Variants in KIAA1328 observed in about 807,000 individuals in gnomAD.
KIAA1328 encodes KIAA1328, also known as protein hinderin.
KIAA1328 carries 52 observed loss-of-function variants against 68.1 expected under a neutral mutation model. The ratio of observed to expected loss-of-function variants is 0.76; its 90% confidence interval spans 0.61 to 0.96. KIAA1328 has a LOEUF of 0.96. Ranked by LOEUF, KIAA1328 falls within the 40% of genes least tolerant of loss-of-function variation. The pLI, the probability that KIAA1328 is intolerant of heterozygous loss-of-function variation, is 0.00. For synonymous variants in KIAA1328, 232 were observed against 239.4 expected, an observed-to-expected ratio of 0.97 and a Z score of 0.28; for missense variants, 641 against 677.6, an observed-to-expected ratio of 0.95 and a Z score of 0.60.
intron 9 of KIAA1328, among the ~76,000 whole-genome samples, chr18:37,184,884 C>G (rs1160581084): frequency 6.6e-6 from 1 of 152,076 alleles, no homozygotes; most frequent in Non-Finnish European, 1.5e-5. Flanking sequence ...TTTGGGTTGG[C>G]CAGGCGTGGT....
At chr18:36,848,968 T>C (rs879566912) in intron 4 of KIAA1328, among the ~76,000 whole-genome samples, 1 of 151,868 alleles carries the variant, frequency 6.6e-6, no homozygotes, top group Non-Finnish European at 1.5e-5. Context: ...TTACCTGTTA[T>C]TTTGTTAAAT....
intron 7 of KIAA1328, among the ~76,000 whole-genome samples, chr18:37,103,177 A>G (rs999233241): frequency 6.6e-6 from 1 of 152,242 alleles, no homozygotes; most frequent in Admixed American, 6.5e-5. Flanking sequence ...CTTAAAATTC[A>G]TATGAAATCA....
chr18:37,140,089 A>C (rs192476455), intron 7 of KIAA1328, among the ~76,000 whole-genome samples: 1,879 of 152,314 alleles, frequency 0.012, 26 homozygotes, highest in Middle Eastern at 0.034. Flanking sequence ...AGAACAAATT[A>C]AAGGTATTTA....
chr18:36,872,362 G>C (rs1201958366), intron 4 of KIAA1328, among the ~76,000 whole-genome samples: 2 of 152,090 alleles, frequency 1.3e-5, no homozygotes, highest in Non-Finnish European at 2.9e-5. Context: ...AGACTAACAA[G>C]TATCTAGTAA....
At chr18:37,005,021 TCTTA>T (rs1486521798) in intron 6 of KIAA1328, among the ~76,000 whole-genome samples, 1 of 152,066 alleles carries the variant, frequency 6.6e-6, no homozygotes, top group Non-Finnish European at 1.5e-5. Context: ...TATTGTATGT[TCTTA>T]CTTATAAATG....
At chr18:36,915,281 T>C (rs2049643541) in intron 5 of KIAA1328, among the ~76,000 whole-genome samples, 1 of 152,124 alleles carries the variant, frequency 6.6e-6, no homozygotes, top group African/African-American at 2.4e-5. Context: ...ACCTGGCTTA[T>C]GGAATATTTT....
At chr18:37,000,376 TAAAG>T (rs1274217188) in intron 6 of KIAA1328, among the ~76,000 whole-genome samples, 1 of 152,102 alleles carries the variant, frequency 6.6e-6, no homozygotes, top group Non-Finnish European at 1.5e-5. Flanking sequence ...TTACTACTTC[TAAAG>T]AAAGAGATAA....
intron 9 of KIAA1328, among the ~76,000 whole-genome samples, chr18:37,181,022 T>G (rs912567828): frequency 6.6e-6 from 1 of 152,118 alleles, no homozygotes; most frequent in Non-Finnish European, 1.5e-5. Context: ...CTTCAAAATA[T>G]CAGATAGAAT....
chr18:36,902,620 C>A (rs1300846401), intron 5 of KIAA1328, among the ~76,000 whole-genome samples: 2 of 152,000 alleles, frequency 1.3e-5, no homozygotes, highest in African/African-American at 4.8e-5. Context: ...GTTAAATATT[C>A]TAGACAAAGT....
At chr18:37,178,324 G>A (rs1442284383) in intron 9 of KIAA1328, among the ~76,000 whole-genome samples, 1 of 152,096 alleles carries the variant, frequency 6.6e-6, no homozygotes, top group Non-Finnish European at 1.5e-5. Context: ...TTGAGGCCAA[G>A]TCAACCAGTT....
In KIAA1328 at chr18:37,080,450, A is replaced by G. The variant is rs1369928680; in HGVS notation, c.1232+12905A>G. On this transcript the variant is annotated intron_variant, in intron 7 of 9. Transcript: ENST00000280020. ...AGGAAATATATCCAAACCATCAGAC[A>G]GTACCCAGCTGTAACACTGGCCACC... Among the ~76,000 whole-genome samples, 4 of 152,192 alleles carry G rather than the reference A, an allele frequency of 2.6e-5. No homozygotes were observed. In the East Asian group the frequency reaches 7.7e-4, roughly 29 times the overall value.
intron 5 of KIAA1328, among the ~76,000 whole-genome samples, chr18:36,958,593 G>A (rs1399941565): frequency 6.6e-6 from 1 of 152,114 alleles, no homozygotes; most frequent in African/African-American, 2.4e-5. Context: ...TAATGGCTAT[G>A]TTGAGTATCT....
At chr18:37,129,790 G>A (rs1404388312) in intron 7 of KIAA1328, among the ~76,000 whole-genome samples, 1 of 152,238 alleles carries the variant, frequency 6.6e-6, no homozygotes, top group South Asian at 2.1e-4. Context: ...AGAATGGAGA[G>A]GAAATGTGAA....
chr18:37,201,334 A>C (rs1230088805), intron 9 of KIAA1328, among the ~76,000 whole-genome samples: 1 of 152,236 alleles, frequency 6.6e-6, no homozygotes, highest in Non-Finnish European at 1.5e-5. Context: ...AACATCATAA[A>C]GAAAATTTAA....
chr18:37,161,971 C>G (rs151163828), intron 8 of KIAA1328, among the ~76,000 whole-genome samples: 11 of 152,284 alleles, frequency 7.2e-5, no homozygotes, highest in South Asian at 2.1e-4. Flanking sequence ...AAGCCAGAAG[C>G]CTGAAAAGGT....
chr18:37,165,358 C>A (rs1268638882), intron 8 of KIAA1328, among the ~76,000 whole-genome samples: 1 of 151,822 alleles, frequency 6.6e-6, no homozygotes, highest in Non-Finnish European at 1.5e-5. Context: ...AAAAGATAGT[C>A]TTTCACCGTT....
chr18:37,230,416 C>G (rs1321064782), downstream of KIAA1328: 1 of 152,162 alleles, frequency 6.6e-6, no homozygotes, highest in East Asian at 1.9e-4. Flanking sequence ...TTTTCCTGAC[C>G]TTAGGAGCTT....
intron 6 of KIAA1328, among the ~76,000 whole-genome samples, chr18:36,963,507 C>CT (rs2051786638): frequency 6.6e-6 from 1 of 152,120 alleles, no homozygotes; most frequent in Non-Finnish European, 1.5e-5. Flanking sequence ...GGAAAAGACT[C>CT]TTTTTCTATT....
chr18:37,189,851 A>AT (rs1475857254), intron 9 of KIAA1328, among the ~76,000 whole-genome samples: 1 of 152,134 alleles, frequency 6.6e-6, no homozygotes, highest in Non-Finnish European at 1.5e-5. Flanking sequence ...GGTACTATAG[A>AT]TTTTTTTAAA....
Sources: allele counts gnomAD v4.1 joint callset (sites outside exome capture counted in the v4.1 genomes callset), GRCh38; gene constraint gnomAD v4.1.1; transcripts MANE v1.5; gene names NCBI Gene and HGNC (gene_info 2026-07-23, HGNC 2026-07-21).